Variants in SMYD3 observed in about 807,000 individuals in gnomAD.
SMYD3 encodes the protein histone-lysine N-methyltransferase SMYD3.
In SMYD3, 36 loss-of-function variants were observed where a neutral mutation model predicts 57.7. The observed-to-expected ratio is 0.62, with a 90% CI of 0.48 to 0.82. SMYD3 has a LOEUF of 0.82. Among genes scored for constraint, SMYD3 ranks in the 40% least tolerant of loss-of-function variants. The pLI is 0.00. For missense variants in SMYD3, 515 were observed against 538.8 expected (o/e 0.96, Z 0.44); for synonymous variants, 211 against 195.0 (o/e 1.08, Z -0.68).
At chr1:245,971,320 A>T (rs2058295044) in intron 5 of SMYD3, among the ~76,000 whole-genome samples, 1 of 152,202 alleles carries the variant, frequency 6.6e-6, no homozygotes, top group African/African-American at 2.4e-5. Context: ...GGGGAGAGAT[A>T]GCATTAGAAG....
chr1:246,068,536 A>G (rs2060388616), intron 5 of SMYD3, among the ~76,000 whole-genome samples: 1 of 152,200 alleles, frequency 6.6e-6, no homozygotes, highest in African/African-American at 2.4e-5. Context: ...GGGAGGGGGC[A>G]GAAAGGCTGA....
At chr1:246,000,556 C>A (rs1487849269) in intron 5 of SMYD3, among the ~76,000 whole-genome samples, 10 of 152,192 alleles carry the variant, frequency 6.6e-5, no homozygotes, top group African/African-American at 2.2e-4. Flanking sequence ...CTTCTCCAGA[C>A]TCTAAAAAGC....
intron 5 of SMYD3, among the ~76,000 whole-genome samples, chr1:246,309,357 C>T (rs1465091577): frequency 6.6e-6 from 1 of 152,118 alleles, no homozygotes; most frequent in Admixed American, 6.5e-5. Context: ...TCATACTCCT[C>T]CAGCCAGACG....
chr1:245,968,114 C>G (rs181682205), intron 5 of SMYD3, among the ~76,000 whole-genome samples: 8 of 152,188 alleles, frequency 5.3e-5, no homozygotes, highest in African/African-American at 1.9e-4. Context: ...ATAGATAATG[C>G]TACTTCCCCC....
At chr1:246,159,294 T>A (rs930721991) in intron 5 of SMYD3, among the ~76,000 whole-genome samples, 2 of 152,184 alleles carry the variant, frequency 1.3e-5, no homozygotes, top group African/African-American at 4.8e-5. Flanking sequence ...TATACCTTTT[T>A]CTTTGCCCCT....
At chr1:246,247,214 G>A (rs2063718575) in intron 5 of SMYD3, among the ~76,000 whole-genome samples, 1 of 151,950 alleles carries the variant, frequency 6.6e-6, no homozygotes, top group Non-Finnish European at 1.5e-5. Context: ...CCAGATGCTG[G>A]ACTCAAGTAG....
intron 1 of SMYD3, among the ~76,000 whole-genome samples, chr1:246,459,419 G>C (rs1462304261): frequency 1.3e-5 from 2 of 151,538 alleles, no homozygotes; most frequent in Non-Finnish European, 2.9e-5. Flanking sequence ...GCGAGATCTT[G>C]TTACTTGAGA....
chr1:246,283,469 T>C (rs1027500845), intron 5 of SMYD3, among the ~76,000 whole-genome samples: 1 of 152,186 alleles, frequency 6.6e-6, no homozygotes, highest in Non-Finnish European at 1.5e-5. Flanking sequence ...GTGTCAGATG[T>C]GTCCATCTTG....
At chr1:246,216,388 G>A (rs1209803520) in intron 5 of SMYD3, among the ~76,000 whole-genome samples, 2 of 151,578 alleles carry the variant, frequency 1.3e-5, no homozygotes, top group Non-Finnish European at 2.9e-5. Flanking sequence ...CCAGATAGAC[G>A]CACTGACAAA....
chr1:246,410,728 T>A (rs1486574443), intron 1 of SMYD3, among the ~76,000 whole-genome samples: 2 of 152,192 alleles, frequency 1.3e-5, no homozygotes, highest in African/African-American at 4.8e-5. Flanking sequence ...TTGATTGGAA[T>A]AGTTTCAGAA....
At chr1:246,453,225 A>G (rs2067655961) in intron 1 of SMYD3, among the ~76,000 whole-genome samples, 1 of 152,246 alleles carries the variant, frequency 6.6e-6, no homozygotes, top group African/African-American at 2.4e-5. Flanking sequence ...CAGGCTTAAC[A>G]CACAAGCAGT....
intron 5 of SMYD3, among the ~76,000 whole-genome samples, chr1:246,130,557 C>G (rs904448662): frequency 3.9e-5 from 6 of 152,090 alleles, no homozygotes; most frequent in Non-Finnish European, 8.8e-5. Flanking sequence ...TAAGTAAAAA[C>G]AGGGCATTTT....
intron 5 of SMYD3, among the ~76,000 whole-genome samples, chr1:245,950,122 TA>T (rs1438889030): frequency 4.6e-5 from 7 of 152,122 alleles, no homozygotes; most frequent in Non-Finnish European, 1.0e-4. Flanking sequence ...AGAAATACAT[TA>T]ATTCTCCAGC....
chr1:246,319,346 C>A (rs769996940), intron 5 of SMYD3, among the ~76,000 whole-genome samples: 2 of 152,112 alleles, frequency 1.3e-5, no homozygotes, highest in Non-Finnish European at 2.9e-5. Context: ...ACAAGCACCC[C>A]GGTGACTGGA....
intron 10 of SMYD3, among the ~76,000 whole-genome samples, chr1:245,793,442 C>T (rs2047388780): frequency 6.6e-6 from 1 of 152,140 alleles, no homozygotes; most frequent in African/African-American, 2.4e-5. Context: ...GAATGAAAAC[C>T]GTTGTAGCCA....
At chr1:246,213,338 G>A (rs565288916) in intron 5 of SMYD3, among the ~76,000 whole-genome samples, 2 of 152,246 alleles carry the variant, frequency 1.3e-5, no homozygotes, top group East Asian at 3.9e-4. Flanking sequence ...TGAAGATTTG[G>A]AATGGTGAAG....
intron 5 of SMYD3, among the ~76,000 whole-genome samples, chr1:245,977,371 T>C (rs1362285883): frequency 2.6e-5 from 4 of 152,174 alleles, no homozygotes; most frequent in African/African-American, 4.8e-5. Flanking sequence ...AGGAAGTCCA[T>C]CCTTAATCAC....
intron 10 of SMYD3, among the ~76,000 whole-genome samples, chr1:245,791,625 G>A (rs1444756017): frequency 7.5e-6 from 1 of 132,636 alleles, no homozygotes; most frequent in Non-Finnish European, 1.6e-5. Flanking sequence ...AGAGAGGGGG[G>A]CAGACAGGGG....
intron 5 of SMYD3, among the ~76,000 whole-genome samples, chr1:246,027,156 C>T (rs549571878): frequency 1.7e-4 from 26 of 152,212 alleles, no homozygotes; most frequent in African/African-American, 4.6e-4. Flanking sequence ...AGGTGAGAAA[C>T]GACAGAAGAA....
Sources: gnomAD v4.1 joint callset for allele counts (sites outside exome capture counted in the v4.1 genomes callset) on GRCh38, gnomAD v4.1.1 for gene constraint, MANE v1.5 for transcripts, NCBI Gene and HGNC (gene_info 2026-07-23, HGNC 2026-07-21) for gene names.